CDH6: variants seen among roughly 807,000 people sequenced by gnomAD.
The protein encoded by CDH6 is cadherin 6.
Under a neutral mutation model 78.0 loss-of-function variants are expected in CDH6, and 31 were observed. That is an observed-to-expected ratio of 0.40 (90% CI 0.30 to 0.54). CDH6 has a LOEUF of 0.54. Among genes scored for constraint, CDH6 ranks in the 20% least tolerant of loss-of-function variants. The pLI is 0.56. For missense variants in CDH6, 724 were observed against 975.9 expected, an observed-to-expected ratio of 0.74 and a Z score of 3.44; for synonymous variants, 376 against 368.8, an observed-to-expected ratio of 1.02 and a Z score of -0.23.
intron 11 of CDH6, among the ~76,000 whole-genome samples, chr5:31,319,955 C>T (rs1340394749): frequency 1.3e-5 from 2 of 152,154 alleles, no homozygotes; most frequent in Non-Finnish European, 2.9e-5. Context: ...ACGGTCAAAT[C>T]ATTTAATTTA....
chr5:31,254,490 A>G (rs1397852757), intron 1 of CDH6, among the ~76,000 whole-genome samples: 1 of 152,178 alleles, frequency 6.6e-6, no homozygotes, highest in Admixed American at 6.5e-5. Context: ...ATAGTACATG[A>G]TAAGTGCTTA....
In CDH6 at chr5:31,223,329, T is replaced by A. The variant is rs1338515026; in HGVS notation, c.-129+29443T>A. On this transcript the variant is annotated intron_variant, in intron 1 of 11. Transcript: ENST00000265071. ...TGCTTTGCTCACAATATTCTGACTT[T>A]GTATTTATTTCTCCTTGAAGAATTT... Among the ~76,000 whole-genome samples, 4 of 152,198 alleles carry A rather than the reference T, an allele frequency of 2.6e-5. No homozygotes were observed. In the East Asian group the frequency reaches 5.8e-4, roughly 22 times the overall value.
intron 1 of CDH6, among the ~76,000 whole-genome samples, chr5:31,209,047 T>A (rs991107394): frequency 1.3e-5 from 2 of 152,236 alleles, no homozygotes; most frequent in Non-Finnish European, 2.9e-5. Flanking sequence ...GAGGTCTGGA[T>A]GATTTCCCTT....
At chr5:31,215,038 G>A (rs1740825915) in intron 1 of CDH6, among the ~76,000 whole-genome samples, 1 of 152,158 alleles carries the variant, frequency 6.6e-6, no homozygotes, top group Non-Finnish European at 1.5e-5. Flanking sequence ...TTTGAATGAT[G>A]TGTATAATTA....
chr5:31,312,562 G>A (rs977638991), intron 7 of CDH6, among the ~76,000 whole-genome samples: 10 of 152,244 alleles, frequency 6.6e-5, no homozygotes, highest in African/African-American at 2.2e-4. Context: ...ATGGTGACAC[G>A]CACCTGTGGT....
intron 1 of CDH6, among the ~76,000 whole-genome samples, chr5:31,235,271 T>C (rs1204461253): frequency 6.7e-6 from 1 of 149,474 alleles, no homozygotes; most frequent in Non-Finnish European, 1.5e-5. Context: ...ATGCCATTCT[T>C]TCAAGCCCAA....
At chr5:31,223,836 C>T (rs2111836640) in intron 1 of CDH6, among the ~76,000 whole-genome samples, 1 of 152,102 alleles carries the variant, frequency 6.6e-6, no homozygotes, top group South Asian at 2.1e-4. Flanking sequence ...AATGTATTTG[C>T]CAAAATAATT....
At position 31,302,167 on chromosome 5, in the gene CDH6, A is replaced by G; in HGVS notation, c.868A>G (p.Ile290Val). The G allele has an allele frequency of 5.0e-6, 8 of 1,614,068 alleles. No homozygotes were observed. Among genetic ancestry groups the G allele is most frequent in the Non-Finnish European group, 6.8e-6 (8 of 1,179,938 alleles). ...SSPPGTPIGR[I>V]KASDADVGEN... ...TCCACCGGGGACACCAATTGGCAGA[A>G]TCAAAGCCAGCGACGCTGATGTGGG... Residue 290 changes from isoleucine (I) to valine (V), a missense_variant, in exon 6 of 12, where the codon ATC becomes GTC. Ile to Val is a conservative substitution (Grantham distance 29). Coordinates refer to ENST00000265071, the MANE Select transcript of CDH6 (RefSeq NM_004932.4).
intron 5 of CDH6, among the ~76,000 whole-genome samples, chr5:31,300,156 A>G (rs1737727525): frequency 6.6e-6 from 1 of 152,242 alleles, no homozygotes; most frequent in African/African-American, 2.4e-5. Flanking sequence ...AGTTGTCTCC[A>G]AAATCATTAA....
At chr5:31,292,852 C>CATATATATAT (rs140377309) in intron 2 of CDH6, among the ~76,000 whole-genome samples, 52 of 8,788 alleles carry the variant, frequency 5.9e-3, no homozygotes, top group African/African-American at 8.7e-3. Flanking sequence ...TATATGTGTG[C>CATATATATAT]ATATATATAT....
At chr5:31,210,872 G>A (rs946409860) in intron 1 of CDH6, among the ~76,000 whole-genome samples, 1 of 151,946 alleles carries the variant, frequency 6.6e-6, no homozygotes, top group Admixed American at 6.5e-5. Context: ...GAAGCTGAAC[G>A]CACAGATACA....
chr5:31,302,428 A>C, intron 6 of CDH6, 130 bp downstream of exon 6: 2 of 764,014 alleles, frequency 2.6e-6, no homozygotes, highest in Non-Finnish European at 4.0e-6. Context: ...ATTTTCAGAA[A>C]AATGCCAGTT....
chr5:31,213,826 C>T (rs150893914), intron 1 of CDH6, among the ~76,000 whole-genome samples: 13 of 148,786 alleles, frequency 8.7e-5, no homozygotes, highest in African/African-American at 2.7e-4. Flanking sequence ...AAACCTCTCG[C>T]GTTCTCTGAC....
In CDH6 at chr5:31,220,629, A is replaced by G. The variant is rs137922032; in HGVS notation, c.-129+26743A>G. Among the ~76,000 whole-genome samples, 24 of 152,326 alleles carry G rather than the reference A, an allele frequency of 1.6e-4. No individual in the cohort carries two copies. The East Asian group carries it at 4.6e-3, about 29-fold the overall frequency. The stretch of plus-strand genomic sequence containing the variant: ...AAAAAAAAGGTAAACAAATAAGTCA[A>G]TACATATGTACATAAAAACTATAAT... On this transcript the variant is annotated intron_variant, in intron 1 of 11. Transcript: ENST00000265071.
chr5:31,289,767 C>G (rs183345461), intron 2 of CDH6, among the ~76,000 whole-genome samples: 69 of 152,238 alleles, frequency 4.5e-4, no homozygotes, highest in Non-Finnish European at 8.5e-4. Flanking sequence ...TCATAGACGA[C>G]TAAAAATCTT....
At chr5:31,276,983 G>T (rs538898846) in intron 2 of CDH6, among the ~76,000 whole-genome samples, 1 of 152,158 alleles carries the variant, frequency 6.6e-6, no homozygotes, top group Non-Finnish European at 1.5e-5. Context: ...GTGAAATGGA[G>T]AGAAAGAAGA....
chr5:31,305,938 T>TA (rs1248582986), intron 7 of CDH6, among the ~76,000 whole-genome samples: 2 of 152,292 alleles, frequency 1.3e-5, no homozygotes, highest in East Asian at 1.9e-4. Flanking sequence ...GAATAAACCT[T>TA]AAAAAAACAC....
intron 1 of CDH6, chr5:31,249,307 T>A (rs1440165743): frequency 6.6e-6 from 1 of 152,212 alleles, no homozygotes; most frequent in Non-Finnish European, 1.5e-5. Context: ...GGCTGCCCTC[T>A]GTCCAACATG....
chr5:31,261,315 G>GT (rs1742206390), intron 1 of CDH6, among the ~76,000 whole-genome samples: 1 of 152,110 alleles, frequency 6.6e-6, no homozygotes, highest in Admixed American at 6.5e-5. Context: ...ATAACCAGCT[G>GT]TTTTCTACTT....
Sources: gnomAD v4.1 joint callset for allele counts (sites outside exome capture counted in the v4.1 genomes callset) on GRCh38, gnomAD v4.1.1 for gene constraint, MANE v1.5 for transcripts, NCBI Gene and HGNC (gene_info 2026-07-23, HGNC 2026-07-21) for gene names.